The following KCNT2 variants were observed in gnomAD, a reference collection of about 807,000 sequenced individuals.
KCNT2 encodes potassium sodium-activated channel subfamily T member 2, also known as potassium channel subfamily T member 2.
KCNT2 carries 67 observed loss-of-function variants against 153.8 expected under a neutral mutation model. The observed-to-expected ratio is 0.44, with a 90% CI of 0.36 to 0.53. The LOEUF (loss-of-function observed/expected upper bound fraction) is 0.53. Ranked by LOEUF, KCNT2 falls within the 20% of genes least tolerant of loss-of-function variation. KCNT2 has a pLI of 0.00. For synonymous variants in KCNT2, 500 were observed against 458.8 expected (o/e 1.09, Z -1.15); for missense variants, 975 against 1,354.8 (o/e 0.72, Z 4.40).
At chr1:196,401,115 C>A (rs1671376537) in intron 12 of KCNT2, among the ~76,000 whole-genome samples, 1 of 151,692 alleles carries the variant, frequency 6.6e-6, no homozygotes. Flanking sequence ...GAATCCATGG[C>A]GAAGCATAAA....
intron 6 of KCNT2, among the ~76,000 whole-genome samples, chr1:196,468,293 A>C (rs1170098218): frequency 6.6e-6 from 1 of 152,116 alleles, no homozygotes; most frequent in Non-Finnish European, 1.5e-5. Flanking sequence ...CACTCAAATT[A>C]AAATAATTAT....
At chr1:196,484,324 T>C (rs765594092) in intron 3 of KCNT2, among the ~76,000 whole-genome samples, 13 of 152,050 alleles carry the variant, frequency 8.5e-5, no homozygotes, top group Non-Finnish European at 1.8e-4. Context: ...AATGTCTTTT[T>C]TTTTGAGAAT....
At chr1:196,423,736 C>CAAA (rs57296160) in intron 11 of KCNT2, among the ~76,000 whole-genome samples, 2,726 of 149,070 alleles carry the variant, frequency 0.018, 42 homozygotes, top group Non-Finnish European at 0.029. Context: ...AAATATTTTC[C>CAAA]AAAAAAAAAA....
At chr1:196,515,854 G>A (rs1682004740) in intron 1 of KCNT2, among the ~76,000 whole-genome samples, 1 of 152,130 alleles carries the variant, frequency 6.6e-6, no homozygotes, top group Non-Finnish European at 1.5e-5. Context: ...CCAACCCAGG[G>A]AAGTGGTGAG....
At chr1:196,534,306 T>C (rs1655284817) in intron 1 of KCNT2, among the ~76,000 whole-genome samples, 1 of 152,166 alleles carries the variant, frequency 6.6e-6, no homozygotes, top group Non-Finnish European at 1.5e-5. Context: ...ACTGATTTCC[T>C]ACTAGACTCT....
At chr1:196,264,730 C>T (rs1657368565) in intron 25 of KCNT2, among the ~76,000 whole-genome samples, 1 of 152,158 alleles carries the variant, frequency 6.6e-6, no homozygotes, top group African/African-American at 2.4e-5. Context: ...CCTCCCAGCT[C>T]AAGCAATCCT....
At chr1:196,327,694 C>T (rs192146402) in intron 18 of KCNT2, among the ~76,000 whole-genome samples, 79 of 106,712 alleles carry the variant, frequency 7.4e-4, no homozygotes, top group Non-Finnish European at 1.3e-3. Flanking sequence ...GAGACAGGGC[C>T]TCACTCCTGC....
intron 1 of KCNT2, among the ~76,000 whole-genome samples, chr1:196,601,160 C>G (rs116758849): frequency 6.6e-6 from 1 of 152,178 alleles, no homozygotes; most frequent in Non-Finnish European, 1.5e-5. Flanking sequence ...GCAAGCTGCT[C>G]CTTAGCCTGA....
intron 13 of KCNT2, among the ~76,000 whole-genome samples, chr1:196,376,590 G>A (rs1668988085): frequency 6.6e-6 from 1 of 151,592 alleles, no homozygotes; most frequent in Non-Finnish European, 1.5e-5. Context: ...CTTTCCTCTA[G>A]GCTAACAACT....
chr1:196,349,356 C>T (rs931476201), intron 14 of KCNT2, among the ~76,000 whole-genome samples: 3 of 152,122 alleles, frequency 2.0e-5, no homozygotes, highest in South Asian at 2.1e-4. Flanking sequence ...TTAAATCCAA[C>T]CCAGGCCTAT....
intron 14 of KCNT2, 23 bp from the exon 15 acceptor site, chr1:196,342,251 T>TACAC: frequency 6.3e-7 from 1 of 1,584,182 alleles, no homozygotes; most frequent in Non-Finnish European, 8.6e-7. Context: ...CACACACACA[T>TACAC]ACACACACAC....
Position 196,381,313 on chromosome 1 carries a change from AT to A in KCNT2, c.1295-8066del, listed in dbSNP as rs1172902315. Among the ~76,000 whole-genome samples, 14 of 152,142 alleles carry A rather than the reference AT, an allele frequency of 9.2e-5. No homozygotes were observed. The East Asian group carries it at 2.7e-3, about 29-fold the overall frequency. ...CTCATAAATACATAGCAGTCTTAATATTTTTGAAAAATTATTTTCCTCCAAT... is the reference window on the plus strand; with the variant it reads ...CTCATAAATACATAGCAGTCTTAATATTTTGAAAAATTATTTTCCTCCAAT... On this transcript the variant is annotated intron_variant, in intron 13 of 27. Transcript: ENST00000294725.
chr1:196,398,802 T>C, intron 12 of KCNT2, 131 bp from the exon 13 acceptor site: 1 of 507,320 alleles, frequency 2.0e-6, no homozygotes, highest in Non-Finnish European at 3.5e-6. Flanking sequence ...CTCTGAGGAC[T>C]TGTTAAGGAT....
At chr1:196,374,801 G>A (rs1343439115) in intron 13 of KCNT2, among the ~76,000 whole-genome samples, 1 of 151,736 alleles carries the variant, frequency 6.6e-6, no homozygotes, top group African/African-American at 2.4e-5. Flanking sequence ...AGAATCATAT[G>A]ATATCAATAC....
intron 22 of KCNT2, among the ~76,000 whole-genome samples, chr1:196,288,724 C>G (rs1328136069): frequency 5.3e-5 from 8 of 152,038 alleles, no homozygotes; most frequent in Non-Finnish European, 1.0e-4. Flanking sequence ...ACACAGGTCT[C>G]TAGATAATGA....
chr1:196,286,663 ACG>A (rs1553272091), intron 22 of KCNT2, among the ~76,000 whole-genome samples: 2 of 150,774 alleles, frequency 1.3e-5, no homozygotes, highest in African/African-American at 4.9e-5. Flanking sequence ...ACACACACAC[ACG>A]TTGTTTATGT....
At chr1:196,425,086 G>GA (rs1252624143) in intron 11 of KCNT2, among the ~76,000 whole-genome samples, 3 of 151,950 alleles carry the variant, frequency 2.0e-5, no homozygotes. Context: ...AAAAACAGCA[G>GA]AAAATATTGA....
At chr1:196,235,507 C>T (rs921743441) in intron 27 of KCNT2, among the ~76,000 whole-genome samples, 1 of 151,276 alleles carries the variant, frequency 6.6e-6, no homozygotes, top group African/African-American at 2.4e-5. Flanking sequence ...AGAGAAAATG[C>T]CTTAGTCTTT....
At chr1:196,307,880 C>T (rs1459498622) in intron 21 of KCNT2, among the ~76,000 whole-genome samples, 2 of 152,012 alleles carry the variant, frequency 1.3e-5, no homozygotes, top group African/African-American at 4.8e-5. Context: ...CTGGGAAATG[C>T]CACCAACTGC....
Sources: gnomAD v4.1 joint callset for allele counts (sites outside exome capture counted in the v4.1 genomes callset) on GRCh38, gnomAD v4.1.1 for gene constraint, MANE v1.5 for transcripts, NCBI Gene and HGNC (gene_info 2026-07-23, HGNC 2026-07-21) for gene names.